PLEKHD1: variants seen among roughly 807,000 people sequenced by gnomAD.
PLEKHD1 encodes the protein pleckstrin homology domain-containing family D member 1.
In PLEKHD1, 51 loss-of-function variants were observed where a neutral mutation model predicts 69.2. The ratio of observed to expected loss-of-function variants is 0.74; its 90% confidence interval spans 0.59 to 0.93. The LOEUF (loss-of-function observed/expected upper bound fraction) is 0.93, where lower values mean the gene tolerates loss of function less well. PLEKHD1 is among the 40% of genes least tolerant of loss of function. The pLI is 0.00. For synonymous variants in PLEKHD1, 236 were observed against 244.7 expected (o/e 0.96, Z 0.33); for missense variants, 584 against 641.0 (o/e 0.91, Z 0.96).
intron 6 of PLEKHD1, among the ~76,000 whole-genome samples, chr14:69,511,752 T>C (rs1488128547): frequency 2.6e-5 from 4 of 151,744 alleles, no homozygotes; most frequent in Non-Finnish European, 4.4e-5. Flanking sequence ...GGTTTCACCA[T>C]GTTGGTCAGG....
chr14:69,523,464 AG>A (rs1332342155), intron 7 of PLEKHD1, among the ~76,000 whole-genome samples: 1 of 152,188 alleles, frequency 6.6e-6, no homozygotes, highest in Non-Finnish European at 1.5e-5. Context: ...GATCTTACTA[AG>A]TAAATAGCCA....
chr14:69,470,451 CAAAAAAA>C, the PLEKHD1 span, among the ~76,000 whole-genome samples: 1 of 120,740 alleles, frequency 8.3e-6, no homozygotes, highest in Non-Finnish European at 1.8e-5. Context: ...TGACAGAGAT[CAAAAAAA>C]AAAAAAAAAC....
chr14:69,529,749 T>C lies in PLEKHD1; in HGVS notation c.*1330T>C, dbSNP rs1883750935. ...TTCAGCCTGTGAAGCAATGTGACCATGAACTCTGGCAGCTGGGGACCCTGG... is the reference window on the plus strand; with the variant it reads ...TTCAGCCTGTGAAGCAATGTGACCACGAACTCTGGCAGCTGGGGACCCTGG... On this transcript the variant is annotated 3_prime_UTR_variant, in exon 13 of 13. Coordinates refer to ENST00000322564, the MANE Select transcript of PLEKHD1 (RefSeq NM_001161498.2). 1 of 152,228 alleles carries C rather than the reference T, an allele frequency of 6.6e-6. No individual in the cohort carries two copies. The highest frequency in any genetic ancestry group is 6.5e-5 in the Admixed American group (1 of 15,282). 9.4% of individuals were successfully genotyped at this position (152,228 alleles called of 1,614,324 possible). A position where few individuals can be genotyped will look rare whatever the true frequency, so the allele number is the denominator to read the frequency against.
At chr14:69,520,938 CTGTGGCCA>C (rs1883499756) in intron 6 of PLEKHD1, among the ~76,000 whole-genome samples, 1 of 152,152 alleles carries the variant, frequency 6.6e-6, no homozygotes, top group African/African-American at 2.4e-5. Context: ...ACCAGGTGCA[CTGTGGCCA>C]TGTGGTGTGC....
intron 6 of PLEKHD1, among the ~76,000 whole-genome samples, chr14:69,514,672 T>C (rs1430293150): frequency 6.6e-6 from 1 of 151,744 alleles, no homozygotes; most frequent in Non-Finnish European, 1.5e-5. Context: ...CTGGCCACGA[T>C]GTATTGGGTA....
intron 6 of PLEKHD1, among the ~76,000 whole-genome samples, chr14:69,518,027 TTTATTTGTTTG>T (rs1273033374): frequency 8.6e-5 from 1 of 11,692 alleles, no homozygotes. Flanking sequence ...TATTTATTTA[TTTATTTGTTTG>T]TTTGTTTGTT....
the PLEKHD1 span, among the ~76,000 whole-genome samples, chr14:69,469,728 A>G: frequency 4.6e-5 from 7 of 151,038 alleles, no homozygotes; most frequent in African/African-American, 1.7e-4. Flanking sequence ...GTCTCTTTTT[A>G]GTTTTTTTTT....
the PLEKHD1 span, among the ~76,000 whole-genome samples, chr14:69,468,882 G>A: frequency 2.6e-5 from 4 of 152,090 alleles, no homozygotes; most frequent in East Asian, 1.9e-4. Context: ...TGCCCCACCC[G>A]ACAATCACCA....
At chr14:69,511,995 A>G (rs1200140041) in intron 6 of PLEKHD1, among the ~76,000 whole-genome samples, 2 of 152,264 alleles carry the variant, frequency 1.3e-5, no homozygotes, top group Non-Finnish European at 2.9e-5. Flanking sequence ...AATGTTTGAT[A>G]TAATTTATCA....
intron 4 of PLEKHD1, chr14:69,501,473 T>A: frequency 5.0e-6 from 2 of 400,692 alleles, no homozygotes; most frequent in Non-Finnish European, 4.5e-6. Flanking sequence ...AGCAATCTCC[T>A]CCCTGCTCTA....
upstream of PLEKHD1, among the ~76,000 whole-genome samples, chr14:69,483,536 TCTGTTG>T (rs997528132): frequency 5.1e-4 from 78 of 152,310 alleles, no homozygotes; most frequent in African/African-American, 1.7e-3. Flanking sequence ...AAATGTTCTG[TCTGTTG>T]CTTTGGGTGG....
intron 1 of PLEKHD1, among the ~76,000 whole-genome samples, chr14:69,486,624 A>G (rs1206852056): frequency 6.6e-6 from 1 of 152,164 alleles, no homozygotes; most frequent in Non-Finnish European, 1.5e-5. Context: ...CAGATAGTTA[A>G]TCTTTCTTTT....
In PLEKHD1 at chr14:69,526,740, C is replaced by T. The variant is rs746277686; in HGVS notation, c.967C>T (p.Arg323Cys). Residue 323 changes from arginine to cysteine, a missense_variant, in exon 10 of 13, where the codon CGT becomes TGT. By Grantham distance (180) the Arg-to-Cys change is radical. Transcript: ENST00000322564. ...EERSRALEEE[R>C]EFYSSQSQAL... ...GCGCTCACGGGCCCTGGAGGAGGAG[C>T]GTGAGTTCTACTCCAGCCAGTCCCA... The T allele has an allele frequency of 6.5e-6, 10 of 1,547,848 alleles. No homozygotes were observed. Among genetic ancestry groups the T allele is most frequent in the South Asian group, 3.6e-5 (3 of 83,714 alleles).
In PLEKHD1 at chr14:69,507,863, C is replaced by A. The variant is rs181920816; in HGVS notation, c.555+4984C>A. On this transcript the variant is annotated intron_variant, in intron 6 of 12. Transcript: ENST00000322564. ...AGCTGGGACTATAGGTGCACTCCAGCACACTTGGCTAATTTTTTTAAATTA... is the reference window on the plus strand; with the variant it reads ...AGCTGGGACTATAGGTGCACTCCAGAACACTTGGCTAATTTTTTTAAATTA... Among the ~76,000 whole-genome samples the A allele has an allele frequency of 2.3e-3, 354 of 152,228 alleles. 1 individual carries two copies. Among genetic ancestry groups the A allele is most frequent in the African/African-American group, 8.2e-3 (341 of 41,520 alleles).
chr14:69,500,023 T>G, intron 1 of PLEKHD1, 92 bp from the exon 2 acceptor site: 2 of 822,178 alleles, frequency 2.4e-6, no homozygotes, highest in Non-Finnish European at 4.0e-6. Context: ...GGCTCCCATG[T>G]GAGTCCAGGG....
At chr14:69,501,919 T>G (rs1594980115) in intron 5 of PLEKHD1, 94 bp downstream of exon 5, 1 of 1,135,450 alleles carries the variant, frequency 8.8e-7, no homozygotes, top group Non-Finnish European at 1.3e-6. Context: ...GGGATGAGGG[T>G]CTCTCAGGTG....
chr14:69,518,613 C>G (rs1883439883), intron 6 of PLEKHD1, among the ~76,000 whole-genome samples: 1 of 152,132 alleles, frequency 6.6e-6, no homozygotes, highest in African/African-American at 2.4e-5. Flanking sequence ...GCATTCTTTT[C>G]AAGAATACAA....
chr14:69,480,354 A>T (rs1882519875), upstream of PLEKHD1, among the ~76,000 whole-genome samples: 1 of 152,240 alleles, frequency 6.6e-6, no homozygotes, highest in Non-Finnish European at 1.5e-5. Context: ...GCTGACAGAC[A>T]GATGCCGGTG....
Position 69,484,997 on chromosome 14 carries a change from C to T in PLEKHD1, c.32C>T (p.Pro11Leu), listed in dbSNP as rs1307271560. The stretch of plus-strand genomic sequence containing the variant: ...ACGTCCAAGTCCAACTCGGTGTCGC[C>T]CTCGCCGTCCCTGGAGCAGGCTGAC... MFTSKSNSVS[P>L]SPSLEQADSD... Residue 11 changes from proline to leucine, a missense_variant, in exon 1 of 13, where the codon CCC becomes CTC. Coordinates refer to ENST00000322564, the MANE Select transcript of PLEKHD1 (RefSeq NM_001161498.2). 1 of 1,551,298 alleles carries T rather than the reference C, an allele frequency of 6.4e-7. No individual in the cohort carries two copies. Among genetic ancestry groups the T allele is most frequent in the Admixed American group, 2.0e-5 (1 of 51,014 alleles).
Sources: allele counts gnomAD v4.1 joint callset (sites outside exome capture counted in the v4.1 genomes callset), GRCh38; gene constraint gnomAD v4.1.1; transcripts MANE v1.5; gene names NCBI Gene and HGNC (gene_info 2026-07-23, HGNC 2026-07-21).